STARD6: variants seen among roughly 807,000 people sequenced by gnomAD.
The protein encoded by STARD6 is stAR-related lipid transfer protein 6.
A neutral mutation model predicts 22.3 loss-of-function variants in STARD6; 21 were observed. That is an observed-to-expected ratio of 0.94 (90% CI 0.67 to 1.35). The LOEUF (loss-of-function observed/expected upper bound fraction) is 1.35, where lower values mean the gene tolerates loss of function less well. STARD6 is among the 40% of genes most tolerant of loss of function. The pLI is 0.00. For synonymous variants in STARD6, 80 were observed against 88.1 expected (o/e 0.91, Z 0.52); for missense variants, 269 against 266.9 (o/e 1.01, Z -0.05).
intron 4 of STARD6, among the ~76,000 whole-genome samples, chr18:54,349,572 G>A (rs924236083): frequency 2.0e-5 from 3 of 152,208 alleles, no homozygotes; most frequent in African/African-American, 7.2e-5. Context: ...ATTCTGTGGT[G>A]GTAATTTCTT....
rs2089171433 is a variant in STARD6 at position 54,357,829 on chromosome 18, C to CT, written c.-127_-126insA. The CT allele has an allele frequency of 7.5e-6, 1 of 132,772 alleles. No individual in the cohort carries two copies. The highest frequency in any genetic ancestry group is 2.9e-5 in the African/African-American group (1 of 34,502). The allele number at this position is 132,772 out of a possible 1,614,324, so 8.2% of individuals were successfully genotyped here. On this transcript the variant is annotated 5_prime_UTR_variant, in exon 1 of 8. It removes the in-frame stop codon of an upstream open reading frame in the 5' UTR. Coordinates refer to ENST00000307844, the MANE Select transcript of STARD6 (RefSeq NM_139171.2). ...GTCGCGACCTAACGCTCAACAGCAT[C>CT]CTCTCTTCTCCGGCCGCTCCCTCAT...
Position 54,354,580 on chromosome 18 carries a change from G to T in STARD6, c.-4-3C>A, listed in dbSNP as rs2089127385. ...CAATTGCCTTGAAGTCCATCTATCT[G>T]CAAGTTTTAAAAACAAACAACTGGT... On this transcript the variant is annotated splice_region_variant and splice_polypyrimidine_tract_variant and intron_variant, in intron 2 of 7. Transcript: ENST00000307844. 4 of 1,606,056 alleles carry T rather than the reference G, an allele frequency of 2.5e-6. No individual in the cohort carries two copies. The South Asian group carries it at 4.5e-5, about 18-fold the overall frequency.
Position 54,324,779 on chromosome 18 carries a change from T to G in STARD6, c.576A>C (p.Leu192Phe). ...SIIEKTMPSN[L>F]VNFILNAKDG... ...CTTTTGCATTGAGGATGAAGTTTACTAAGTTGGAAGGCATGGTTTTTTCAA... is the reference window on the plus strand; with the variant it reads ...CTTTTGCATTGAGGATGAAGTTTACGAAGTTGGAAGGCATGGTTTTTTCAA... The change falls in exon 8 of 8, where the codon TTA becomes TTC. Residue 192 changes from leucine to phenylalanine, a missense_variant. Coordinates refer to ENST00000307844, the MANE Select transcript of STARD6 (RefSeq NM_139171.2). 1 of 1,610,956 alleles carries G rather than the reference T, an allele frequency of 6.2e-7. No individual in the cohort carries two copies. The highest frequency in any genetic ancestry group is 1.7e-5 in the Admixed American group (1 of 59,426).
chr18:54,355,010 T>C (rs10164112), intron 2 of STARD6, among the ~76,000 whole-genome samples: 54,358 of 152,082 alleles, frequency 0.36, 11,288 homozygotes, highest in East Asian at 0.68. Context: ...TAATCACACG[T>C]CCTTTGTCTT....
At chr18:54,333,552 G>T (rs942693887) in intron 5 of STARD6, among the ~76,000 whole-genome samples, 1 of 152,166 alleles carries the variant, frequency 6.6e-6, no homozygotes, top group Non-Finnish European at 1.5e-5. Flanking sequence ...GATGCCCAGT[G>T]GTTCTCAAAC....
chr18:54,348,946 C>T (rs2089065486), intron 4 of STARD6, among the ~76,000 whole-genome samples: 1 of 151,732 alleles, frequency 6.6e-6, no homozygotes, highest in Non-Finnish European at 1.5e-5. Context: ...CATTTGGTAG[C>T]CAATATAATA....
chr18:54,342,207 A>G (rs2088975062), intron 4 of STARD6, among the ~76,000 whole-genome samples: 1 of 152,244 alleles, frequency 6.6e-6, no homozygotes, highest in African/African-American at 2.4e-5. Context: ...TTAATTATCT[A>G]TAACAAGACA....
rs778508218 is a variant in STARD6 at position 54,331,750 on chromosome 18, A to G, written c.377T>C (p.Ile126Thr). ...YIKRYEGNMNIISSKSVDFPE... is the reference protein window; with the variant it reads ...YIKRYEGNMNTISSKSVDFPE... ...AAAATGTTTCAACTTACAACTGATA[A>G]TGTTCATATTTCCTTCGTAGCGCTT... Residue 126 changes from isoleucine to threonine, a missense_variant, in exon 6 of 8, where the codon ATT becomes ACT. Coordinates refer to ENST00000307844, the MANE Select transcript of STARD6 (RefSeq NM_139171.2). 4 of 1,605,566 alleles carry G rather than the reference A, an allele frequency of 2.5e-6. No individual in the cohort carries two copies. Among genetic ancestry groups the G allele is most frequent in the Admixed American group, 1.7e-5 (1 of 59,654 alleles).
At chr18:54,330,672 C>T (rs1374113571) in intron 6 of STARD6, among the ~76,000 whole-genome samples, 1 of 152,000 alleles carries the variant, frequency 6.6e-6, no homozygotes, top group South Asian at 2.1e-4. Context: ...CTTTTAAAAG[C>T]AAATTGAGTA....
At chr18:54,353,858 C>A in intron 4 of STARD6, 196 bp downstream of exon 4, 1 of 371,954 alleles carries the variant, frequency 2.7e-6, no homozygotes, top group Non-Finnish European at 4.8e-6. Context: ...TGATTGTCAT[C>A]AGATTTGAAA....
chr18:54,328,551 G>A (rs1367147927), intron 7 of STARD6, among the ~76,000 whole-genome samples: 2 of 152,126 alleles, frequency 1.3e-5, no homozygotes, highest in Non-Finnish European at 2.9e-5. Flanking sequence ...ATGAATAATT[G>A]TGAGGTTTTT....
Position 54,331,827 on chromosome 18 carries a change from A to C in STARD6, c.300T>G (p.Ser100Arg). The change falls in exon 6 of 8, where the codon AGT becomes AGG. Residue 100 changes from serine to arginine, a missense_variant. Coordinates refer to ENST00000307844, the MANE Select transcript of STARD6 (RefSeq NM_139171.2). The stretch of plus-strand genomic sequence containing the variant: ...GAGGGGAAATGGAGCCCACGGCAAA[A>C]CTTTGTGTAATGGTATGACATATGA... ...DTFICHTITQSFAVGSISPRD... is the reference protein window; with the variant it reads ...DTFICHTITQRFAVGSISPRD... 1 of 1,612,640 alleles carries C rather than the reference A, an allele frequency of 6.2e-7. No homozygotes were observed. Among genetic ancestry groups the C allele is most frequent in the Non-Finnish European group, 8.5e-7 (1 of 1,179,058 alleles).
At chr18:54,356,043 A>G (rs114518288) in intron 2 of STARD6, among the ~76,000 whole-genome samples, 1 of 152,370 alleles carries the variant, frequency 6.6e-6, no homozygotes, top group African/African-American at 2.4e-5. Context: ...TGCTTTAAAC[A>G]GTGTGGAGCC....
chr18:54,348,831 C>T (rs1296512005), intron 4 of STARD6, among the ~76,000 whole-genome samples: 1 of 152,096 alleles, frequency 6.6e-6, no homozygotes, highest in Non-Finnish European at 1.5e-5. Context: ...AAGCTAACCA[C>T]AAAAGGCCCT....
intron 4 of STARD6, among the ~76,000 whole-genome samples, chr18:54,343,679 T>G (rs1599306143): frequency 1.0e-4 from 2 of 19,074 alleles, no homozygotes; most frequent in Non-Finnish European, 9.7e-5. Flanking sequence ...GGTGGGGGGG[T>G]CGGCCCCCCG....
At chr18:54,328,841 C>T (rs2088844628) in intron 7 of STARD6, among the ~76,000 whole-genome samples, 1 of 152,168 alleles carries the variant, frequency 6.6e-6, no homozygotes, top group South Asian at 2.1e-4. Context: ...CACCTTTAGG[C>T]AGTGACTCAT....
chr18:54,344,583 T>TAAAAAAAAAAAAAAAAAAAAAAA (rs55736082), intron 4 of STARD6, among the ~76,000 whole-genome samples: 9 of 94,090 alleles, frequency 9.6e-5, no homozygotes, highest in Non-Finnish European at 1.9e-4. Flanking sequence ...AAAAATAAAT[T>TAAAAAAAAAAAAAAAAAAAAAAA]AAAAAAAAAA....
chr18:54,347,032 A>T (rs2089043157), intron 4 of STARD6, among the ~76,000 whole-genome samples: 1 of 152,106 alleles, frequency 6.6e-6, no homozygotes, highest in African/African-American at 2.4e-5. Context: ...TTGTACACTT[A>T]AAGTAGGTGA....
chr18:54,337,011 C>G, intron 5 of STARD6, 114 bp downstream of exon 5: 3 of 974,342 alleles, frequency 3.1e-6, no homozygotes, highest in Non-Finnish European at 4.3e-6. Flanking sequence ...GACTTCAAGT[C>G]AATTTGAAAC....
Sources: gnomAD v4.1 joint callset for allele counts (sites outside exome capture counted in the v4.1 genomes callset) on GRCh38, gnomAD v4.1.1 for gene constraint, MANE v1.5 for transcripts, NCBI Gene and HGNC (gene_info 2026-07-23, HGNC 2026-07-21) for gene names.